REV1: variants seen among roughly 807,000 people sequenced by gnomAD.
REV1 encodes REV1 DNA directed polymerase, also known as translesion synthesis protein REV1.
A neutral mutation model predicts 137.4 loss-of-function variants in REV1; 42 were observed. The ratio of observed to expected loss-of-function variants is 0.31; its 90% CI spans 0.24 to 0.40. REV1 has a LOEUF of 0.40. Among genes scored for constraint, REV1 ranks in the 10% least tolerant of loss-of-function variants. The pLI, the probability that REV1 is intolerant of heterozygous loss-of-function variation, is 1.00. For missense variants in REV1, 1,282 were observed against 1,490.1 expected (o/e 0.86, Z 2.30); for synonymous variants, 524 against 519.2 (o/e 1.01, Z -0.12).
In REV1 at chr2:99,401,265, A is replaced by G. The variant is rs931198045; in HGVS notation, c.3732T>C (p.Tyr1244=). The change falls in exon 23 of 23, where the codon TAT becomes TAC. Residue 1244 remains tyrosine (Y), a synonymous_variant. Transcript: ENST00000258428. ...TTTATGTAACTTTTAATGTGCTTCC[A>G]TAAGTTTGTTGTAAAACCACCTGGA... The part of the protein sequence containing the change: ...DNVQVVLQQT[Y]GSTLKVT 9.9e-6 allele frequency: 16 copies of G among 1,611,408 alleles called. No homozygotes were observed. The highest frequency in any genetic ancestry group is 4.4e-5 in the South Asian group (4 of 91,030).
chr2:99,419,005 C>A, intron 11 of REV1, 58 bp from the exon 12 acceptor site: 3 of 1,381,354 alleles, frequency 2.2e-6, no homozygotes, highest in Non-Finnish European at 3.0e-6. Flanking sequence ...AATTTCTCAA[C>A]AAAGATCTCT....
chr2:99,485,348 CAG>C (rs1306077096), intron 1 of REV1, among the ~76,000 whole-genome samples: 1 of 152,154 alleles, frequency 6.6e-6, no homozygotes, highest in Non-Finnish European at 1.5e-5. Context: ...ATGAAAAGAA[CAG>C]AAAGATACAG....
chr2:99,489,428 C>A (rs1397914853), intron 1 of REV1, among the ~76,000 whole-genome samples: 4 of 151,860 alleles, frequency 2.6e-5, no homozygotes, highest in Admixed American at 1.3e-4. Context: ...GGCGCCGGCG[C>A]AGGAGGAAGG....
chr2:99,479,326 CAAA>C (rs60839666), intron 1 of REV1, among the ~76,000 whole-genome samples: 5 of 96,850 alleles, frequency 5.2e-5, no homozygotes, highest in Admixed American at 1.1e-4. Context: ...GACTCTGTCT[CAAA>C]AAAAAAAAAA....
intron 12 of REV1, among the ~76,000 whole-genome samples, chr2:99,414,890 TTA>T (rs754866016): frequency 1.3e-5 from 2 of 152,220 alleles, no homozygotes. Context: ...GTTTAAAATT[TTA>T]GAGTATCTTG....
At chr2:99,419,499 C>A (rs922028108) in intron 11 of REV1, among the ~76,000 whole-genome samples, 1 of 152,040 alleles carries the variant, frequency 6.6e-6, no homozygotes, top group Non-Finnish European at 1.5e-5. Flanking sequence ...AATGAGCCAC[C>A]GTGCCCAATC....
intron 3 of REV1, among the ~76,000 whole-genome samples, chr2:99,462,039 T>C (rs780047948): frequency 6.6e-6 from 1 of 152,202 alleles, no homozygotes; most frequent in Non-Finnish European, 1.5e-5. Flanking sequence ...GGTCCTTTCC[T>C]TCCCTGCTTG....
chr2:99,447,977 T>G (rs1043442510), intron 4 of REV1, among the ~76,000 whole-genome samples: 1 of 152,188 alleles, frequency 6.6e-6, no homozygotes. Flanking sequence ...ATTACAGGCA[T>G]GAGCCACCAT....
intron 1 of REV1, among the ~76,000 whole-genome samples, chr2:99,479,932 G>C (rs914180410): frequency 7.2e-5 from 11 of 152,120 alleles, no homozygotes; most frequent in Non-Finnish European, 1.6e-4. Flanking sequence ...AGAACAATCA[G>C]TAGGATTTTA....
intron 1 of REV1, among the ~76,000 whole-genome samples, chr2:99,486,286 T>G (rs966679021): frequency 1.3e-5 from 2 of 152,170 alleles, no homozygotes; most frequent in Non-Finnish European, 2.9e-5. Context: ...TCCCAGCACT[T>G]TGGGAGGCTG....
intron 1 of REV1, among the ~76,000 whole-genome samples, chr2:99,486,621 T>G (rs906817093): frequency 2.0e-5 from 3 of 152,194 alleles, no homozygotes; most frequent in Admixed American, 6.5e-5. Context: ...ATTATTACAG[T>G]CATCCTACAG....
At chr2:99,475,080 ATAAAT>A in intron 1 of REV1, among the ~76,000 whole-genome samples, 1 of 152,326 alleles carries the variant, frequency 6.6e-6, no homozygotes, top group South Asian at 2.1e-4. Flanking sequence ...GCACTTGAAC[ATAAAT>A]TTAATTTATT....
At chr2:99,477,942 T>C (rs1686167912) in intron 1 of REV1, among the ~76,000 whole-genome samples, 1 of 152,140 alleles carries the variant, frequency 6.6e-6, no homozygotes, top group African/African-American at 2.4e-5. Context: ...TTTAATAAAG[T>C]ACCTAGGAGG....
intron 1 of REV1, among the ~76,000 whole-genome samples, chr2:99,467,321 C>A (rs1684920065): frequency 6.6e-6 from 1 of 150,906 alleles, no homozygotes; most frequent in African/African-American, 2.4e-5. Flanking sequence ...CAAAACTATT[C>A]CAGACAAATG....
At chr2:99,413,068 T>C (rs1490527441) in intron 12 of REV1, 117 bp from the exon 13 acceptor site, 1 of 751,940 alleles carries the variant, frequency 1.3e-6, no homozygotes, top group Non-Finnish European at 2.2e-6. Flanking sequence ...TTTAAAGTCT[T>C]TAGGCAACAT....
At position 99,477,386 on chromosome 2, in the gene REV1, C is replaced by G. The variant is rs576300279; in HGVS notation, c.-10-12401G>C. Among the ~76,000 whole-genome samples, 8 of 152,286 alleles carry G rather than the reference C, an allele frequency of 5.3e-5. No homozygotes were observed. The East Asian group carries it at 1.5e-3, about 29-fold the overall frequency. The stretch of plus-strand genomic sequence containing the variant: ...CAACCATGGGAATAAGGACAATACC[C>G]TATGGAAGGGCTAAGCACACAGAGA... On this transcript the variant is annotated intron_variant, in intron 1 of 22. Coordinates refer to ENST00000258428, the MANE Select transcript of REV1 (RefSeq NM_016316.4).
At chr2:99,404,399 T>C (rs1459379694) in intron 18 of REV1, 45 bp downstream of exon 18, 1 of 1,286,376 alleles carries the variant, frequency 7.8e-7, no homozygotes, top group Non-Finnish European at 1.0e-6. Flanking sequence ...AGCAGGGGGG[T>C]GAGAATATTG....
chr2:99,431,765 G>A, intron 8 of REV1: 3 of 985,486 alleles, frequency 3.0e-6, no homozygotes, highest in African/African-American at 1.7e-5. Flanking sequence ...AGCAGAGTGC[G>A]TGGGTCCCTC....
chr2:99,409,857 C>CG (rs1385762253), intron 14 of REV1, among the ~76,000 whole-genome samples: 1 of 110,590 alleles, frequency 9.0e-6, no homozygotes, highest in African/African-American at 2.9e-5. Flanking sequence ...CAAACAACCC[C>CG]CCCCCCCCCC....
Sources: gnomAD v4.1 joint callset for allele counts (sites outside exome capture counted in the v4.1 genomes callset) on GRCh38, gnomAD v4.1.1 for gene constraint, MANE v1.5 for transcripts, NCBI Gene and HGNC (gene_info 2026-07-23, HGNC 2026-07-21) for gene names.